Variants in ERI1 observed in about 807,000 individuals in gnomAD.
ERI1 encodes the protein 3'-5' exoribonuclease 1.
In ERI1, 39 loss-of-function variants were observed where a neutral mutation model predicts 39.7. The ratio of observed to expected loss-of-function variants is 0.98; its 90% confidence interval spans 0.76 to 1.28. The LOEUF (loss-of-function observed/expected upper bound fraction) is 1.28, where lower values mean the gene tolerates loss of function less well. Ranked by LOEUF, ERI1 falls within the 50% of genes most tolerant of loss-of-function variation. The pLI is 0.00. For synonymous variants in ERI1, 204 were observed against 149.6 expected (o/e 1.36, Z -2.65); for missense variants, 581 against 416.9 (o/e 1.39, Z -3.43).
intron 3 of ERI1, among the ~76,000 whole-genome samples, chr8:9,015,739 A>AAAAAAAAAAAAAAAG (rs10704637): frequency 1.3e-5 from 2 of 150,270 alleles, no homozygotes; most frequent in African/African-American, 5.0e-5. Flanking sequence ...AAAAAAAAAA[A>AAAAAAAAAAAAAAAG]AAGAGACCAT....
At chr8:9,011,855 T>C in intron 3 of ERI1, 103 bp downstream of exon 3, 1 of 813,328 alleles carries the variant, frequency 1.2e-6, no homozygotes, top group Admixed American at 3.1e-5. Flanking sequence ...GAATTAGACT[T>C]CTAAAGTAAG....
chr8:9,040,373 T>C (rs74903006), intron 3 of ERI1, among the ~76,000 whole-genome samples: 1 of 152,206 alleles, frequency 6.6e-6, no homozygotes, highest in Non-Finnish European at 1.5e-5. Flanking sequence ...GACTTGAGAC[T>C]TTCCGGGTGG....
At chr8:9,042,890 G>A (rs932295865) in intron 3 of ERI1, among the ~76,000 whole-genome samples, 7 of 152,170 alleles carry the variant, frequency 4.6e-5, no homozygotes, top group African/African-American at 1.4e-4. Flanking sequence ...CAACCTACAC[G>A]TGCACCTGCT....
intron 3 of ERI1, among the ~76,000 whole-genome samples, chr8:9,060,639 T>C (rs942388336): frequency 6.6e-6 from 1 of 152,100 alleles, no homozygotes; most frequent in African/African-American, 2.4e-5. Flanking sequence ...TGGAAGGAGA[T>C]ATTTTCCTTG....
At chr8:9,023,881 C>G (rs1017270018) in intron 6 of ERI1, among the ~76,000 whole-genome samples, 1 of 145,260 alleles carries the variant, frequency 6.9e-6, no homozygotes, top group African/African-American at 2.6e-5. Context: ...TCACTGCAGC[C>G]TCTGCCTCCC....
At position 9,031,278 on chromosome 8, in the gene ERI1, G is replaced by C. The variant is rs1484791220; in HGVS notation, c.*1244G>C. On this transcript the variant is annotated 3_prime_UTR_variant, in exon 7 of 7. Transcript: ENST00000250263. ...CTATATCATATAGGGTGAAAAGCAG[G>C]AAAGTAGACATTTTTCTTGGCGTGG... is the stretch of plus-strand genomic sequence containing the variant. 1 of 152,160 alleles carries C rather than the reference G, an allele frequency of 6.6e-6. No individual in the cohort carries two copies. Among genetic ancestry groups the C allele is most frequent in the Admixed American group, 6.5e-5 (1 of 15,284 alleles). The allele number at this position is 152,160 out of a possible 1,614,324, so 9.4% of individuals were successfully genotyped here. A position where few individuals can be genotyped will look rare whatever the true frequency, so the allele number is the denominator to read the frequency against.
rs1165223586 is a variant in ERI1, at chr8:9,031,029, T to C, written c.*995T>C. ...GTATTGAGTAATTCTTAACTAATTCTAAAAACTAAAATGTGCATTTCGACT... is the reference window on the plus strand; with the variant it reads ...GTATTGAGTAATTCTTAACTAATTCCAAAAACTAAAATGTGCATTTCGACT... On this transcript the variant is annotated 3_prime_UTR_variant, in exon 7 of 7. Transcript: ENST00000250263. 6.6e-6 allele frequency: 1 copy of C among 152,204 alleles called. No homozygotes were observed. The highest frequency in any genetic ancestry group is 1.5e-5 in the Non-Finnish European group (1 of 68,020). 9.4% of individuals were successfully genotyped at this position (152,204 alleles called of 1,614,324 possible).
At chr8:9,020,893 C>T (rs1232906164) in intron 6 of ERI1, among the ~76,000 whole-genome samples, 1 of 152,326 alleles carries the variant, frequency 6.6e-6, no homozygotes, top group African/African-American at 2.4e-5. Flanking sequence ...CAAACACTTT[C>T]AACTTATGTA....
At chr8:9,038,283 G>A (rs1008162717), downstream of ERI1, among the ~76,000 whole-genome samples, 8 of 152,074 alleles carry the variant, frequency 5.3e-5, no homozygotes, top group Non-Finnish European at 8.8e-5. Context: ...CTTATCCGTG[G>A]TTTTGCTTTC....
At chr8:9,042,368 C>G (rs1350117903) in intron 3 of ERI1, among the ~76,000 whole-genome samples, 1 of 152,172 alleles carries the variant, frequency 6.6e-6, no homozygotes. Flanking sequence ...GATCCAATTT[C>G]TTGAGTATTT....
At chr8:9,088,815 T>C (rs1799613121) in intron 3 of ERI1, among the ~76,000 whole-genome samples, 2 of 152,216 alleles carry the variant, frequency 1.3e-5, no homozygotes, top group African/African-American at 2.4e-5. Flanking sequence ...GATTGTAGCA[T>C]GCTGGAGGGT....
At chr8:9,008,645 A>G (rs1313358307) in intron 2 of ERI1, among the ~76,000 whole-genome samples, 1 of 152,244 alleles carries the variant, frequency 6.6e-6, no homozygotes, top group African/African-American at 2.4e-5. Context: ...TGAGTGAGAA[A>G]ACAATGCAAC....
chr8:9,006,168 G>C (rs1816000382), intron 1 of ERI1, among the ~76,000 whole-genome samples: 1 of 152,308 alleles, frequency 6.6e-6, no homozygotes, highest in South Asian at 2.1e-4. Context: ...CTCCTTGGCA[G>C]ATTGATTTGA....
At chr8:9,016,224 T>C in intron 3 of ERI1, 98 bp from the exon 4 acceptor site, 1 of 581,110 alleles carries the variant, frequency 1.7e-6, no homozygotes, top group Non-Finnish European at 3.0e-6. Context: ...CGTGAGATCC[T>C]ATGAAATTGC....
chr8:9,007,207 C>T (rs1277296237), intron 1 of ERI1, among the ~76,000 whole-genome samples: 3 of 151,960 alleles, frequency 2.0e-5, no homozygotes, highest in African/African-American at 7.3e-5. Flanking sequence ...TTCTATAGTT[C>T]TTCTGGTTAG....
In ERI1 at chr8:9,003,022, A is replaced by G; in HGVS notation, c.-42A>G. 1 of 1,169,690 alleles carries G rather than the reference A, an allele frequency of 8.5e-7. No individual in the cohort carries two copies. Among genetic ancestry groups the G allele is most frequent in the African/African-American group, 1.6e-5 (1 of 63,174 alleles). 72.5% of individuals were successfully genotyped at this position (1,169,690 alleles called of 1,614,324 possible). On this transcript the variant is annotated 5_prime_UTR_variant, in exon 1 of 7. Transcript: ENST00000250263. Reference sequence around the variant, plus strand: ...GGGCTCTGCAGAGTGAGAGTTAGCAAGTGTCCGGCTCCAGCAACTCTCCTC... The same window carrying G: ...GGGCTCTGCAGAGTGAGAGTTAGCAGGTGTCCGGCTCCAGCAACTCTCCTC...
chr8:9,084,301 T>G (rs1232942695), intron 3 of ERI1, among the ~76,000 whole-genome samples: 1 of 152,132 alleles, frequency 6.6e-6, no homozygotes, highest in African/African-American at 2.4e-5. Context: ...CCACCACATT[T>G]TTGTCCATTC....
chr8:9,096,159 A>G (rs1403227915), intron 3 of ERI1, among the ~76,000 whole-genome samples: 1 of 152,244 alleles, frequency 6.6e-6, no homozygotes, highest in Non-Finnish European at 1.5e-5. Context: ...TTCAGTGCAG[A>G]GCAAACACAT....
Position 9,004,485 on chromosome 8 carries a change from CTTTTTTTTTTTT to C in ERI1, c.108+1329_108+1340del, listed in dbSNP as rs71201904. Among the ~76,000 whole-genome samples, 119 of 78,306 alleles carry C rather than the reference CTTTTTTTTTTTT, an allele frequency of 1.5e-3. 1 individual carries two copies. Among genetic ancestry groups the C allele is most frequent in the East Asian group, 0.012 (26 of 2,196 alleles). 51.4% of individuals were successfully genotyped at this position (78,306 alleles called of 152,430 possible). A position where few individuals can be genotyped will look rare whatever the true frequency, so the allele number is the denominator to read the frequency against. ...CTGTTGCATGCTCTTTATAGTGATACTTTTTTTTTTTTTTTTTTTTTTTTTTACAAAAAGCCG... is the reference window on the plus strand; with the variant it reads ...CTGTTGCATGCTCTTTATAGTGATACTTTTTTTTTTTTTTACAAAAAGCCG... On this transcript the variant is annotated intron_variant, in intron 1 of 6. Transcript: ENST00000250263.
Sources: allele counts gnomAD v4.1 joint callset (sites outside exome capture counted in the v4.1 genomes callset), GRCh38; gene constraint gnomAD v4.1.1; transcripts MANE v1.5; gene names NCBI Gene and HGNC (gene_info 2026-07-23, HGNC 2026-07-21).